The following CCSER1 variants were observed in gnomAD, a reference collection of about 807,000 sequenced individuals.
CCSER1 encodes the protein coiled-coil serine rich protein 1.
A neutral mutation model predicts 82.0 loss-of-function variants in CCSER1; 41 were observed. That is an observed-to-expected ratio of 0.50 (90% confidence interval 0.39 to 0.65). CCSER1 has a LOEUF of 0.65. Ranked by LOEUF, CCSER1 falls within the 30% of genes least tolerant of loss-of-function variation. The pLI, the probability that CCSER1 is intolerant of heterozygous loss-of-function variation, is 0.00. For missense variants in CCSER1, 1,119 were observed against 1,064.2 expected, an observed-to-expected ratio of 1.05 and a Z score of -0.72; for synonymous variants, 414 against 383.9, an observed-to-expected ratio of 1.08 and a Z score of -0.92.
intron 3 of CCSER1, among the ~76,000 whole-genome samples, chr4:90,397,656 T>A (rs1752184025): frequency 6.6e-6 from 1 of 152,152 alleles, no homozygotes; most frequent in Non-Finnish European, 1.5e-5. Flanking sequence ...TTTTTTTCAT[T>A]TCTGGGATGG....
chr4:91,146,151 T>C lies in CCSER1; in HGVS notation c.2217+60157T>C, dbSNP rs141978347. On this transcript the variant is annotated intron_variant, in intron 10 of 10. Coordinates refer to ENST00000509176, the MANE Select transcript of CCSER1 (RefSeq NM_001145065.2). Reference sequence around the variant, plus strand: ...ATTATTATTTTTATGTTCATCTAACTGTACTGATTCAAAGAACTGGTCTTT... The same window carrying C: ...ATTATTATTTTTATGTTCATCTAACCGTACTGATTCAAAGAACTGGTCTTT... 4.3e-3 allele frequency among the ~76,000 whole-genome samples: 647 copies of C among 151,962 alleles called. 2 individuals carry two copies. Among genetic ancestry groups the C allele is most frequent in the African/African-American group, 0.014 (575 of 41,550 alleles).
chr4:91,535,499 C>CT (rs1761253492), intron 10 of CCSER1, among the ~76,000 whole-genome samples: 1 of 130,778 alleles, frequency 7.6e-6, no homozygotes. Context: ...CCAAATCTTC[C>CT]ACTAGGAGGT....
chr4:91,578,693 C>A (rs930529237), intron 10 of CCSER1, among the ~76,000 whole-genome samples: 2 of 151,930 alleles, frequency 1.3e-5, no homozygotes, highest in East Asian at 1.9e-4. Context: ...GCTTAATACA[C>A]TTTGGAATAT....
chr4:91,435,796 C>T (rs1754613798), intron 10 of CCSER1, among the ~76,000 whole-genome samples: 1 of 152,166 alleles, frequency 6.6e-6, no homozygotes, highest in South Asian at 2.1e-4. Flanking sequence ...TAAAACAATT[C>T]AACTTTCATT....
chr4:90,201,689 A>G (rs974691793), intron 1 of CCSER1, among the ~76,000 whole-genome samples: 15 of 152,246 alleles, frequency 9.9e-5, no homozygotes, highest in Admixed American at 3.3e-4. Flanking sequence ...GTGTGGCTAT[A>G]GGCTACTGTA....
rs557798956 is a variant in CCSER1 at position 91,505,409 on chromosome 4, G to A, written c.2218-93163G>A. 5.3e-5 allele frequency among the ~76,000 whole-genome samples: 8 copies of A among 152,268 alleles called. No individual in the cohort carries two copies. The South Asian group carries it at 1.2e-3, about 24-fold the overall frequency. Reference sequence around the variant, plus strand: ...GAATAGTGCTGCAATGAACATATGCGTGCATGTATCTGTATAATAGAATGA... The same window carrying A: ...GAATAGTGCTGCAATGAACATATGCATGCATGTATCTGTATAATAGAATGA... On this transcript the variant is annotated intron_variant, in intron 10 of 10. Coordinates refer to ENST00000509176, the MANE Select transcript of CCSER1 (RefSeq NM_001145065.2).
chr4:90,513,633 G>GCT (rs746961423), intron 5 of CCSER1, among the ~76,000 whole-genome samples: 33 of 152,156 alleles, frequency 2.2e-4, no homozygotes, highest in Middle Eastern at 3.2e-3. Context: ...ATGGATCTTT[G>GCT]CTGAAATCTT....
intron 1 of CCSER1, among the ~76,000 whole-genome samples, chr4:90,227,915 G>A (rs6813238): frequency 0.16 from 24,462 of 152,164 alleles, 2,595 homozygotes; most frequent in East Asian, 0.3. Context: ...CTTTTCCGAC[G>A]GGCTTAAAAA....
intron 1 of CCSER1, among the ~76,000 whole-genome samples, chr4:90,200,236 AT>A (rs1737431720): frequency 6.6e-6 from 1 of 151,840 alleles, no homozygotes; most frequent in Non-Finnish European, 1.5e-5. Flanking sequence ...CACCTGAAAT[AT>A]TTTCTCAAAG....
intron 8 of CCSER1, among the ~76,000 whole-genome samples, chr4:90,857,339 A>G (rs1764568599): frequency 6.6e-6 from 1 of 152,068 alleles, no homozygotes; most frequent in African/African-American, 2.4e-5. Context: ...ACAGTTCCTC[A>G]GTAGCTGTTA....
In CCSER1 at chr4:90,605,230, A is replaced by T. The variant is rs1784536219; in HGVS notation, c.1725-22795A>T. On this transcript the variant is annotated intron_variant, in intron 5 of 10. Transcript: ENST00000509176. ...ACATAGCATCTTTAAGAACGGTAAC[A>T]GTCACCACGAGGGTCTGCAGCTTCA... Among the ~76,000 whole-genome samples the T allele has an allele frequency of 3.9e-5, 6 of 152,184 alleles. No homozygotes were observed. In the South Asian group the frequency reaches 1.2e-3, roughly 32 times the overall value.
intron 9 of CCSER1, among the ~76,000 whole-genome samples, chr4:91,027,116 G>C (rs1475357590): frequency 2.6e-5 from 4 of 151,958 alleles, no homozygotes; most frequent in Non-Finnish European, 2.9e-5. Flanking sequence ...AGATCAAAGA[G>C]GGCTGCCAGG....
At chr4:91,221,925 TTAAA>T (rs1359138414) in intron 10 of CCSER1, among the ~76,000 whole-genome samples, 3 of 152,098 alleles carry the variant, frequency 2.0e-5, no homozygotes, top group East Asian at 1.9e-4. Context: ...AGGGAAATTG[TTAAA>T]TAAATAAATT....
intron 10 of CCSER1, among the ~76,000 whole-genome samples, chr4:91,104,387 C>G (rs146766376): frequency 6.6e-6 from 1 of 152,152 alleles, no homozygotes. Context: ...GTGGGCATCA[C>G]GGTCCTACCG....
chr4:90,647,238 T>C (rs1727759717), intron 6 of CCSER1, among the ~76,000 whole-genome samples: 1 of 152,204 alleles, frequency 6.6e-6, no homozygotes, highest in Non-Finnish European at 1.5e-5. Context: ...ATGTGCAGAG[T>C]GAGCCAGTTT....
intron 3 of CCSER1, among the ~76,000 whole-genome samples, chr4:90,351,539 T>C (rs1462459488): frequency 6.6e-6 from 1 of 152,096 alleles, no homozygotes; most frequent in African/African-American, 2.4e-5. Context: ...ATTCCACTTA[T>C]AATAACAAAA....
intron 10 of CCSER1, among the ~76,000 whole-genome samples, chr4:91,110,963 A>G (rs1726046543): frequency 6.6e-6 from 1 of 152,018 alleles, no homozygotes; most frequent in African/African-American, 2.4e-5. Context: ...CTACTTAAAT[A>G]TATAGATGAT....
chr4:90,377,431 A>G (rs1286679095), intron 3 of CCSER1, among the ~76,000 whole-genome samples: 2 of 152,180 alleles, frequency 1.3e-5, no homozygotes, highest in Admixed American at 6.5e-5. Context: ...CACCAGTATA[A>G]TTAGGTAGAA....
At chr4:90,752,329 G>A (rs1466684333) in intron 7 of CCSER1, among the ~76,000 whole-genome samples, 1 of 151,920 alleles carries the variant, frequency 6.6e-6, no homozygotes, top group Non-Finnish European at 1.5e-5. Flanking sequence ...TTTTACAATT[G>A]CAGGGAACCT....
Sources: gnomAD v4.1 joint callset for allele counts (sites outside exome capture counted in the v4.1 genomes callset) on GRCh38, gnomAD v4.1.1 for gene constraint, MANE v1.5 for transcripts, NCBI Gene and HGNC (gene_info 2026-07-23, HGNC 2026-07-21) for gene names.